Variants in RABGAP1L observed in about 807,000 individuals in gnomAD.
RABGAP1L encodes rab GTPase-activating protein 1-like.
RABGAP1L carries 63 observed loss-of-function variants against 137.7 expected under a neutral mutation model. The observed-to-expected ratio is 0.46, with a 90% CI of 0.37 to 0.56. RABGAP1L has a LOEUF of 0.56. Ranked by LOEUF, RABGAP1L falls within the 20% of genes least tolerant of loss-of-function variation. RABGAP1L has a pLI of 0.00. For missense variants in RABGAP1L, 1,095 were observed against 1,244.0 expected, an observed-to-expected ratio of 0.88 and a Z score of 1.80; for synonymous variants, 431 against 433.7, an observed-to-expected ratio of 0.99 and a Z score of 0.08.
chr1:174,410,674 G>A (rs1276769559), intron 13 of RABGAP1L, among the ~76,000 whole-genome samples: 3 of 152,168 alleles, frequency 2.0e-5, no homozygotes, highest in South Asian at 4.1e-4. Flanking sequence ...CAGGTAATGT[G>A]ATGCCTCCAG....
intron 13 of RABGAP1L, among the ~76,000 whole-genome samples, chr1:174,410,338 G>A (rs1179314069): frequency 6.6e-6 from 1 of 152,126 alleles, no homozygotes; most frequent in Non-Finnish European, 1.5e-5. Context: ...GATTTTTAGA[G>A]TTTGAGGTCT....
intron 19 of RABGAP1L, among the ~76,000 whole-genome samples, chr1:174,889,814 C>T (rs1309436418): frequency 2.0e-5 from 3 of 152,168 alleles, no homozygotes; most frequent in African/African-American, 7.2e-5. Context: ...ACTGCGGCCT[C>T]AAATGCTTGA....
intron 1 of RABGAP1L, among the ~76,000 whole-genome samples, chr1:174,197,524 C>T (rs1421457342): frequency 6.6e-6 from 1 of 152,126 alleles, no homozygotes; most frequent in Non-Finnish European, 1.5e-5. Context: ...ATTCACAACC[C>T]CTCTGTCACA....
chr1:174,757,381 C>T (rs1684850285), intron 18 of RABGAP1L, among the ~76,000 whole-genome samples: 2 of 152,140 alleles, frequency 1.3e-5, no homozygotes, highest in East Asian at 3.9e-4. Flanking sequence ...CTAGGTCAAA[C>T]TGTAACCAAA....
intron 19 of RABGAP1L, among the ~76,000 whole-genome samples, chr1:174,855,482 G>T (rs903160232): frequency 2.0e-5 from 3 of 152,198 alleles, no homozygotes; most frequent in African/African-American, 7.2e-5. Context: ...CAGAAGGGCT[G>T]CTACACATCT....
At chr1:174,874,702 G>C (rs1458689973) in intron 19 of RABGAP1L, among the ~76,000 whole-genome samples, 1 of 150,570 alleles carries the variant, frequency 6.6e-6, no homozygotes, top group African/African-American at 2.4e-5. Context: ...ACAGGAGTTC[G>C]TAGACAGGAC....
chr1:174,547,126 G>T (rs1230033831), intron 13 of RABGAP1L, among the ~76,000 whole-genome samples: 1 of 147,384 alleles, frequency 6.8e-6, no homozygotes, highest in South Asian at 2.2e-4. Flanking sequence ...ACTGAGTTTT[G>T]ACATAGAGAT....
intron 11 of RABGAP1L, among the ~76,000 whole-genome samples, chr1:174,349,472 C>G (rs1682839925): frequency 7.5e-6 from 1 of 133,266 alleles, no homozygotes; most frequent in Non-Finnish European, 1.6e-5. Context: ...CCCCCCACCT[C>G]CCTCCCAGAC....
Position 174,567,652 on chromosome 1 carries a change from TTATAACAG to T in RABGAP1L, c.1711-69717_1711-69710del, listed in dbSNP as rs1667675214. On this transcript the variant is annotated intron_variant, in intron 13 of 25. Coordinates refer to ENST00000681986, the MANE Select transcript of RABGAP1L (RefSeq NM_001366446.1). ...TATGTGTCTTAACAACAATGTAGTA[TTATAACAG>T]TATAAGTGCTATTTGGCTGTTTGCT... Among the ~76,000 whole-genome samples the T allele has an allele frequency of 2.6e-5, 4 of 152,320 alleles. No individual in the cohort carries two copies. In the South Asian group the frequency reaches 8.3e-4, roughly 32 times the overall value.
chr1:174,692,926 G>A (rs1463220222), intron 15 of RABGAP1L, among the ~76,000 whole-genome samples: 1 of 152,118 alleles, frequency 6.6e-6, no homozygotes, highest in East Asian at 1.9e-4. Flanking sequence ...GAGGTTGCCT[G>A]CTCAAAATCA....
chr1:174,519,271 C>G (rs1663154433), intron 13 of RABGAP1L, among the ~76,000 whole-genome samples: 1 of 151,778 alleles, frequency 6.6e-6, no homozygotes, highest in African/African-American at 2.4e-5. Flanking sequence ...TATTAACTTA[C>G]ATGATCACAA....
At chr1:174,276,003 ATGTT>A (rs1356819972) in intron 9 of RABGAP1L, 68 bp downstream of exon 9, 1 of 1,311,148 alleles carries the variant, frequency 7.6e-7, no homozygotes, top group Non-Finnish European at 1.0e-6. Context: ...GTTGCTTGTC[ATGTT>A]TTAAAAAAAA....
intron 18 of RABGAP1L, among the ~76,000 whole-genome samples, chr1:174,803,226 A>T (rs1484657265): frequency 6.6e-6 from 1 of 152,196 alleles, no homozygotes; most frequent in Non-Finnish European, 1.5e-5. Flanking sequence ...CTTCAGTTGG[A>T]AGGAGGTTAC....
At chr1:174,219,061 G>A in intron 1 of RABGAP1L, 64 bp from the exon 2 acceptor site, 1 of 1,227,678 alleles carries the variant, frequency 8.1e-7, no homozygotes, top group Non-Finnish European at 1.1e-6. Context: ...ATTAGTTCAT[G>A]TTTTTAATTA....
chr1:174,522,677 C>T (rs1257337383), intron 13 of RABGAP1L, among the ~76,000 whole-genome samples: 1 of 152,184 alleles, frequency 6.6e-6, no homozygotes, highest in East Asian at 1.9e-4. Flanking sequence ...GAACAGGAAG[C>T]ATGATGCTGG....
At chr1:174,177,842 A>G (rs956451212) in intron 1 of RABGAP1L, among the ~76,000 whole-genome samples, 1 of 152,092 alleles carries the variant, frequency 6.6e-6, no homozygotes, top group Non-Finnish European at 1.5e-5. Context: ...TGGTCTGTAT[A>G]TCTGTTTTGG....
chr1:174,748,098 T>G (rs1264462376), intron 17 of RABGAP1L, among the ~76,000 whole-genome samples: 3 of 152,202 alleles, frequency 2.0e-5, no homozygotes, highest in Admixed American at 2.0e-4. Flanking sequence ...GTGAGAGCTA[T>G]TTTGGCTATT....
At chr1:174,800,483 G>A (rs1324478610) in intron 18 of RABGAP1L, 8 of 1,550,666 alleles carry the variant, frequency 5.2e-6, no homozygotes, top group Non-Finnish European at 6.1e-6. Context: ...TCGTCTGTTT[G>A]TGCCTCGGCT....
intron 19 of RABGAP1L, among the ~76,000 whole-genome samples, chr1:174,917,837 G>A (rs554761666): frequency 6.6e-6 from 1 of 151,892 alleles, no homozygotes; most frequent in Non-Finnish European, 1.5e-5. Flanking sequence ...GGAGGCTGAG[G>A]CAGGAGAATT....
Sources: allele counts gnomAD v4.1 joint callset (sites outside exome capture counted in the v4.1 genomes callset), GRCh38; gene constraint gnomAD v4.1.1; transcripts MANE v1.5; gene names NCBI Gene and HGNC (gene_info 2026-07-23, HGNC 2026-07-21).